OPHN1: variants seen among roughly 807,000 people sequenced by gnomAD.
The protein encoded by OPHN1 is oligophrenin 1.
In OPHN1, 11 loss-of-function variants were observed where a neutral mutation model predicts 60.7. The observed-to-expected ratio is 0.18, with a 90% CI of 0.11 to 0.30. The LOEUF (loss-of-function observed/expected upper bound fraction) is 0.30, where lower values mean the gene tolerates loss of function less well. Ranked by LOEUF, OPHN1 falls within the 10% of genes least tolerant of loss-of-function variation. OPHN1 has a pLI of 1.00. For missense variants in OPHN1, 449 were observed against 611.0 expected (o/e 0.73, Z 2.80); for synonymous variants, 226 against 222.6 (o/e 1.02, Z -0.14).
At chrX:68,049,342 C>T (rs1210185318) in intron 23 of OPHN1, among the ~76,000 whole-genome samples, 3 of 111,860 alleles carry the variant, frequency 2.7e-5, no homozygotes, top group African/African-American at 9.7e-5. Flanking sequence ...TTGAGCTCAG[C>T]ATCTTTCCCA....
intron 5 of OPHN1, among the ~76,000 whole-genome samples, chrX:68,271,879 G>T (rs1253664384): frequency 9.1e-6 from 1 of 110,175 alleles, no homozygotes; most frequent in Non-Finnish European, 1.9e-5. Flanking sequence ...GGACAGCATG[G>T]TCATGAAGGC....
At chrX:68,128,628 T>C (rs1165481281) in intron 15 of OPHN1, among the ~76,000 whole-genome samples, 2 of 112,034 alleles carry the variant, frequency 1.8e-5, no homozygotes. Flanking sequence ...AAAGACTAAA[T>C]ATTGCATGTT....
At chrX:68,204,551 A>C (rs2077549875) in intron 10 of OPHN1, among the ~76,000 whole-genome samples, 1 of 112,068 alleles carries the variant, frequency 8.9e-6, no homozygotes, top group Non-Finnish European at 1.9e-5. Flanking sequence ...TAAAATTTAT[A>C]ATTGTAAAAT....
At chrX:68,227,583 G>A (rs937369948) in intron 6 of OPHN1, among the ~76,000 whole-genome samples, 1 of 111,589 alleles carries the variant, frequency 9.0e-6, no homozygotes, top group East Asian at 2.8e-4. Flanking sequence ...AATCAAACTA[G>A]AACTCAGGAT....
At chrX:68,317,246 A>G (rs1401111391) in intron 2 of OPHN1, among the ~76,000 whole-genome samples, 1 of 104,216 alleles carries the variant, frequency 9.6e-6, no homozygotes, top group Admixed American at 1.1e-4. Flanking sequence ...GCTGCAGTGA[A>G]CCCTGATGGT....
At chrX:68,183,326 G>A (rs1209432288) in intron 15 of OPHN1, among the ~76,000 whole-genome samples, 1 of 111,886 alleles carries the variant, frequency 8.9e-6, no homozygotes, top group Non-Finnish European at 1.9e-5. Flanking sequence ...GTCATAATAT[G>A]CCACCCCAAA....
At chrX:68,215,388 G>T (rs1444639827) in intron 6 of OPHN1, among the ~76,000 whole-genome samples, 1 of 111,716 alleles carries the variant, frequency 9.0e-6, no homozygotes, top group Admixed American at 9.5e-5. Flanking sequence ...AGAAGAAAAA[G>T]AGACAGAAAC....
Position 68,153,779 on chromosome X carries a change from T to C in OPHN1, c.1277-34447A>G, listed in dbSNP as rs1160617741. The stretch of plus-strand genomic sequence containing the variant: ...TGCCATTATAATAACCCTCAGCCAC[T>C]AATACAAGTATATGCTGAGACCCCG... On this transcript the variant is annotated intron_variant, in intron 15 of 24. Transcript: ENST00000355520. Among the ~76,000 whole-genome samples, 4 of 111,738 alleles carry C rather than the reference T, an allele frequency of 3.6e-5. No individual in the cohort carries two copies. In the Admixed American group the frequency reaches 3.8e-4, roughly 11 times the overall value.
intron 18 of OPHN1, among the ~76,000 whole-genome samples, chrX:68,105,455 C>T (rs1001753948): frequency 4.5e-5 from 5 of 111,018 alleles, no homozygotes; most frequent in Admixed American, 1.9e-4. Context: ...GGCACATATA[C>T]ACCATGGAAT....
chrX:68,255,769 T>C (rs2077860089), intron 5 of OPHN1, among the ~76,000 whole-genome samples: 1 of 110,370 alleles, frequency 9.1e-6, no homozygotes, highest in Admixed American at 9.7e-5. Context: ...ACACACCCCT[T>C]GTTCTGTCTC....
At chrX:68,134,193 T>TAAAA (rs1199909807) in intron 15 of OPHN1, among the ~76,000 whole-genome samples, 7 of 109,389 alleles carry the variant, frequency 6.4e-5, no homozygotes, top group Non-Finnish European at 1.3e-4. Flanking sequence ...AATAAATAAA[T>TAAAA]AAAAACAAAA....
At chrX:68,288,625 G>A (rs919688923) in intron 3 of OPHN1, among the ~76,000 whole-genome samples, 1 of 110,573 alleles carries the variant, frequency 9.0e-6, no homozygotes, top group African/African-American at 3.3e-5. Context: ...TTAGCCGAGC[G>A]TGGAAGCAGA....
intron 15 of OPHN1, among the ~76,000 whole-genome samples, chrX:68,181,047 C>A (rs1170267965): frequency 9.0e-6 from 1 of 111,217 alleles, no homozygotes; most frequent in African/African-American, 3.3e-5. Flanking sequence ...CAATGAAAGA[C>A]CTGCCACAAA....
intron 2 of OPHN1, among the ~76,000 whole-genome samples, chrX:68,397,126 T>G (rs2078688895): frequency 8.9e-6 from 1 of 112,562 alleles, no homozygotes; most frequent in Non-Finnish European, 1.9e-5. Flanking sequence ...CCAGCACAGT[T>G]CACCCAGATT....
At chrX:68,312,467 T>A (rs1300631011) in intron 2 of OPHN1, among the ~76,000 whole-genome samples, 8 of 109,827 alleles carry the variant, frequency 7.3e-5, no homozygotes, top group African/African-American at 2.6e-4. Context: ...TATCTTGAGA[T>A]AAATGAAACC....
intron 2 of OPHN1, among the ~76,000 whole-genome samples, chrX:68,421,462 TTTG>T (rs1191222059): frequency 9.0e-6 from 1 of 111,687 alleles, no homozygotes; most frequent in Non-Finnish European, 1.9e-5. Flanking sequence ...AGGTTTGTTT[TTTG>T]TTTTTTTTCT....
Position 68,405,864 on chromosome X carries a change from C to T in OPHN1, c.154+27003G>A, listed in dbSNP as rs778662482. Among the ~76,000 whole-genome samples the T allele has an allele frequency of 4.5e-5, 5 of 111,526 alleles. No individual in the cohort carries two copies. The South Asian group carries it at 1.9e-3, about 42-fold the overall frequency. On this transcript the variant is annotated intron_variant, in intron 2 of 24. Transcript: ENST00000355520. ...AGATATTATATAAAGGGCAATGAGG[C>T]TGGGCGTAGTGGCGCACACCTATAA...
chrX:68,377,114 T>A lies in OPHN1; in HGVS notation c.154+55753A>T, dbSNP rs1178628716. On this transcript the variant is annotated intron_variant, in intron 2 of 24. Coordinates refer to ENST00000355520, the MANE Select transcript of OPHN1 (RefSeq NM_002547.3). ...GCAGCTAATTTTTTTTTTTTTTTTTTGAGATGGAGTCTTACTCTGTTGCCC... is the reference window on the plus strand; with the variant it reads ...GCAGCTAATTTTTTTTTTTTTTTTTAGAGATGGAGTCTTACTCTGTTGCCC... 1.8e-4 allele frequency among the ~76,000 whole-genome samples: 18 copies of A among 97,813 alleles called. No homozygotes were observed. The East Asian group carries it at 5.1e-3, about 28-fold the overall frequency. The allele number at this position is 97,813 out of a possible 115,157, so 84.9% of individuals were successfully genotyped here. A position where few individuals can be genotyped will look rare whatever the true frequency, so the allele number is the denominator to read the frequency against.
intron 15 of OPHN1, among the ~76,000 whole-genome samples, chrX:68,149,773 A>C (rs1264349639): frequency 2.7e-5 from 3 of 109,574 alleles, no homozygotes; most frequent in African/African-American, 6.7e-5. Context: ...TTGTCATATG[A>C]TCCTGTAATT....
Sources: gnomAD v4.1 joint callset for allele counts (sites outside exome capture counted in the v4.1 genomes callset) on GRCh38, gnomAD v4.1.1 for gene constraint, MANE v1.5 for transcripts, NCBI Gene and HGNC (gene_info 2026-07-23, HGNC 2026-07-21) for gene names.